UGT1A6: variants seen among roughly 807,000 people sequenced by gnomAD.
UGT1A6 encodes the protein UDP-glucuronosyltransferase 1A6.
A neutral mutation model predicts 44.4 loss-of-function variants in UGT1A6; 32 were observed. That is an observed-to-expected ratio of 0.72 (90% CI 0.54 to 0.97). The LOEUF (loss-of-function observed/expected upper bound fraction) is 0.97. UGT1A6 is among the 50% of genes least tolerant of loss of function. The probability of loss-of-function intolerance (pLI) is 0.00; values close to 1 mark genes in which losing one functional copy is unlikely to be tolerated. For missense variants in UGT1A6, 685 were observed against 661.9 expected, an observed-to-expected ratio of 1.03 and a Z score of -0.38; for synonymous variants, 238 against 248.5, an observed-to-expected ratio of 0.96 and a Z score of 0.40.
At chr2:233,712,897 T>C in intron 1 of UGT1A6, 1 of 1,607,966 alleles carries the variant, frequency 6.2e-7, no homozygotes, top group Non-Finnish European at 8.5e-7. Context: ...GTTGATTTGC[T>C]AGGTGTCTCA....
chr2:233,724,560 G>GCA (rs2077282425), intron 1 of UGT1A6, among the ~76,000 whole-genome samples: 1 of 129,456 alleles, frequency 7.7e-6, no homozygotes, highest in Non-Finnish European at 1.6e-5. Context: ...CATCCCAGAT[G>GCA]GGGCGGCGGG....
chr2:233,735,651 G>A (rs1291646517), intron 1 of UGT1A6, among the ~76,000 whole-genome samples: 3 of 152,276 alleles, frequency 2.0e-5, no homozygotes, highest in Admixed American at 6.5e-5. Context: ...GCTGGTACTG[G>A]TGTTTCTTTC....
At chr2:233,719,166 A>G (rs569258363) in intron 1 of UGT1A6, 1 of 1,614,266 alleles carries the variant, frequency 6.2e-7, no homozygotes, top group East Asian at 2.2e-5. Flanking sequence ...AAGTATGGCA[A>G]TTATGAACAA....
rs1559370464 is a variant in UGT1A6 at position 233,725,249 on chromosome 2, GGAGGCAGAGGCAGAGGAGGCAGAGGCA to G, written c.861+31401_861+31427del. Among the ~76,000 whole-genome samples, 7 of 48,520 alleles carry G rather than the reference GGAGGCAGAGGCAGAGGAGGCAGAGGCA, an allele frequency of 1.4e-4. 2 individuals carry two copies. The highest frequency in any genetic ancestry group is 4.8e-4 in the East Asian group (1 of 2,098). The allele number at this position is 48,520 out of a possible 152,430, so 31.8% of individuals were successfully genotyped here. On this transcript the variant is annotated intron_variant, in intron 1 of 4. Coordinates refer to ENST00000305139, the MANE Select transcript of UGT1A6 (RefSeq NM_001072.4). ...CAGAGGCAGAGGAGGCAGAGGCAGA[GGAGGCAGAGGCAGAGGAGGCAGAGGCA>G]GAGGCAGAGGCAGAGGCAGAGGCAG...
intron 1 of UGT1A6, among the ~76,000 whole-genome samples, chr2:233,725,123 C>T (rs1575559586): frequency 7.2e-6 from 1 of 137,948 alleles, no homozygotes; most frequent in South Asian, 2.6e-4. Flanking sequence ...TTGCAGTGAG[C>T]CGAGATGGCA....
At chr2:233,707,104 C>G (rs2075941348) in intron 1 of UGT1A6, among the ~76,000 whole-genome samples, 1 of 152,018 alleles carries the variant, frequency 6.6e-6, no homozygotes, top group Admixed American at 6.6e-5. Context: ...GCTGAGGGAC[C>G]CCCAAAATAC....
At chr2:233,772,241 C>T (rs200350292) in intron 4 of UGT1A6, 21 bp from the exon 5 acceptor site, 139 of 1,614,076 alleles carry the variant, frequency 8.6e-5, no homozygotes, top group Admixed American at 1.2e-4. Flanking sequence ...CCAGGCATAA[C>T]GAAACTGTCT....
intron 1 of UGT1A6, among the ~76,000 whole-genome samples, chr2:233,724,089 A>G (rs1195577143): frequency 1.0e-5 from 1 of 98,852 alleles, no homozygotes; most frequent in Non-Finnish European, 1.9e-5. Flanking sequence ...GGGGCTCCTC[A>G]CTTCCCAGTA....
chr2:233,768,154 C>T (rs767452412), intron 3 of UGT1A6, 66 bp from the exon 4 acceptor site: 203 of 1,612,642 alleles, frequency 1.3e-4, no homozygotes, highest in Non-Finnish European at 1.7e-4. Flanking sequence ...TTTTCAGAAC[C>T]TAGATGTGTC....
chr2:233,724,740 T>G (rs2077303271), intron 1 of UGT1A6, among the ~76,000 whole-genome samples: 1 of 140,730 alleles, frequency 7.1e-6, no homozygotes, highest in South Asian at 2.6e-4. Flanking sequence ...GAGGGGCTCC[T>G]CACATCCCAG....
At chr2:233,730,124 T>C in intron 1 of UGT1A6, 4 of 1,544,442 alleles carry the variant, frequency 2.6e-6, no homozygotes, top group East Asian at 2.4e-5. Flanking sequence ...CTTGTCATAA[T>C]AGCCTTCAGT....
At chr2:233,730,198 G>T (rs544900257) in intron 1 of UGT1A6, among the ~76,000 whole-genome samples, 1 of 152,188 alleles carries the variant, frequency 6.6e-6, no homozygotes, top group Non-Finnish European at 1.5e-5. Context: ...CTGAGAGGAA[G>T]AGGAAGTAGA....
intron 1 of UGT1A6, chr2:233,752,584 T>C (rs903855618): frequency 6.6e-6 from 1 of 152,196 alleles, no homozygotes; most frequent in Non-Finnish European, 1.5e-5. Context: ...CATTCCCATC[T>C]CTACAAGATT....
chr2:233,726,566 C>T (rs772348074), intron 1 of UGT1A6, among the ~76,000 whole-genome samples: 3 of 152,296 alleles, frequency 2.0e-5, no homozygotes, highest in South Asian at 2.1e-4. Flanking sequence ...CCCACTCTTA[C>T]GCCTGTCTCC....
intron 1 of UGT1A6, among the ~76,000 whole-genome samples, chr2:233,728,866 T>C (rs1366541445): frequency 6.6e-6 from 1 of 152,200 alleles, no homozygotes; most frequent in African/African-American, 2.4e-5. Context: ...AACAAGAGCT[T>C]GAACTTGGAT....
At chr2:233,719,480 G>C in intron 1 of UGT1A6, 2 of 1,613,982 alleles carry the variant, frequency 1.2e-6, no homozygotes, top group South Asian at 1.1e-5. Context: ...CTCTGGCCCT[G>C]TCCTACATTT....
chr2:233,725,194 A>G (rs1187550502), intron 1 of UGT1A6, among the ~76,000 whole-genome samples: 1 of 93,184 alleles, frequency 1.1e-5, no homozygotes. Context: ...GCAGAGGCAG[A>G]GGCAGAGGCA....
intron 1 of UGT1A6, among the ~76,000 whole-genome samples, chr2:233,735,018 T>G (rs1362396194): frequency 6.6e-6 from 1 of 152,220 alleles, no homozygotes; most frequent in Non-Finnish European, 1.5e-5. Flanking sequence ...GTTCTGTAGA[T>G]GTCTATTAGG....
intron 1 of UGT1A6, chr2:233,761,180 C>A (rs374898247): frequency 6.2e-7 from 1 of 1,614,128 alleles, no homozygotes; most frequent in East Asian, 2.2e-5. Context: ...CTTTTACATG[C>A]GTATATTCTT....
Sources: gnomAD v4.1 joint callset for allele counts (sites outside exome capture counted in the v4.1 genomes callset) on GRCh38, gnomAD v4.1.1 for gene constraint, MANE v1.5 for transcripts, NCBI Gene and HGNC (gene_info 2026-07-23, HGNC 2026-07-21) for gene names.